ACTR3B: variants seen among roughly 807,000 people sequenced by gnomAD.
The protein encoded by ACTR3B is actin related protein 3B.
In ACTR3B, 8 loss-of-function variants were observed where a neutral mutation model predicts 59.0. The ratio of observed to expected loss-of-function variants is 0.14; its 90% CI spans 0.08 to 0.24. The LOEUF is 0.24. Among genes scored for constraint, ACTR3B ranks in the 10% least tolerant of loss-of-function variants. The pLI, the probability that ACTR3B is intolerant of heterozygous loss-of-function variation, is 1.00. For missense variants in ACTR3B, 245 were observed against 552.3 expected, an observed-to-expected ratio of 0.44 and a Z score of 5.58; for synonymous variants, 148 against 197.9, an observed-to-expected ratio of 0.75 and a Z score of 2.12.
intron 9 of ACTR3B, among the ~76,000 whole-genome samples, chr7:152,830,017 T>G (rs977795111): frequency 6.6e-6 from 1 of 152,180 alleles, no homozygotes; most frequent in African/African-American, 2.4e-5. Flanking sequence ...CGGAAATAAC[T>G]CTAATGGGAA....
At chr7:152,784,195 C>G (rs1036370383) in intron 2 of ACTR3B, among the ~76,000 whole-genome samples, 19 of 152,206 alleles carry the variant, frequency 1.2e-4, no homozygotes, top group Middle Eastern at 3.4e-3. Flanking sequence ...GAAAGTGAAA[C>G]TCTGTTCTCT....
chr7:152,821,177 CAG>C (rs1426325004), intron 7 of ACTR3B, among the ~76,000 whole-genome samples: 9 of 152,138 alleles, frequency 5.9e-5, no homozygotes, highest in Non-Finnish European at 1.3e-4. Context: ...CCTTCCATCT[CAG>C]GGGAAGGTTT....
chr7:152,831,317 G>A (rs1046789421), intron 9 of ACTR3B, among the ~76,000 whole-genome samples: 1 of 152,224 alleles, frequency 6.6e-6, no homozygotes, highest in Non-Finnish European at 1.5e-5. Flanking sequence ...CACCTGCAGA[G>A]CGCCAGGTCC....
chr7:152,816,449 A>G, intron 5 of ACTR3B, 32 bp from the exon 6 acceptor site: 4 of 1,525,080 alleles, frequency 2.6e-6, no homozygotes, highest in East Asian at 2.4e-5. Flanking sequence ...AAGAGTTCCT[A>G]TGTGCGAGCG....
intron 2 of ACTR3B, among the ~76,000 whole-genome samples, 176 bp downstream of exon 2, chr7:152,783,418 T>C (rs1259236046): frequency 6.6e-6 from 1 of 152,200 alleles, no homozygotes; most frequent in Non-Finnish European, 1.5e-5. Context: ...AAGCCCCTTG[T>C]CACTGTCGTT....
chr7:152,765,491 A>G (rs1403894006), intron 1 of ACTR3B, among the ~76,000 whole-genome samples: 2 of 151,244 alleles, frequency 1.3e-5, no homozygotes, highest in African/African-American at 2.4e-5. Context: ...TGCCCTCCCA[A>G]AAGCCACCCC....
intron 8 of ACTR3B, 82 bp downstream of exon 8, chr7:152,823,597 C>G: frequency 6.7e-7 from 1 of 1,483,394 alleles, no homozygotes; most frequent in Non-Finnish European, 9.2e-7. Flanking sequence ...CAGTTCCCAG[C>G]GAAGGGCCTG....
chr7:152,834,449 C>T (rs971238238), intron 9 of ACTR3B, among the ~76,000 whole-genome samples: 12 of 152,306 alleles, frequency 7.9e-5, no homozygotes, highest in African/African-American at 1.4e-4. Context: ...CCACCGCGCC[C>T]GGTTGTCGCT....
intron 1 of ACTR3B, among the ~76,000 whole-genome samples, chr7:152,772,379 GC>G (rs2098126137): frequency 6.6e-6 from 1 of 151,436 alleles, no homozygotes; most frequent in Non-Finnish European, 1.5e-5. Flanking sequence ...AAAAGAAAAA[GC>G]CAGGTGTGGT....
At chr7:152,802,837 A>G (rs1439481117) in intron 4 of ACTR3B, among the ~76,000 whole-genome samples, 1 of 152,222 alleles carries the variant, frequency 6.6e-6, no homozygotes, top group Non-Finnish European at 1.5e-5. Flanking sequence ...TATTTTAACT[A>G]TAAGGCTAAT....
At chr7:152,760,618 C>A (rs1208896553) in intron 1 of ACTR3B, among the ~76,000 whole-genome samples, 1 of 152,180 alleles carries the variant, frequency 6.6e-6, no homozygotes, top group East Asian at 1.9e-4. Flanking sequence ...TAAAAAGACT[C>A]CATTTTGAAA....
Position 152,820,319 on chromosome 7 carries a change from A to G in ACTR3B, c.561A>G (p.Gly187=). 1 of 1,598,616 alleles carries G rather than the reference A, an allele frequency of 6.3e-7. No homozygotes were observed. Among genetic ancestry groups the G allele is most frequent in the Non-Finnish European group, 8.6e-7 (1 of 1,168,784 alleles). The change falls in exon 7 of 12, where the codon GGA becomes GGG. Residue 187 remains glycine (G), a synonymous_variant. Transcript: ENST00000256001. ...CCTAGGCAGAAGGTTATGTAATTGG[A>G]AGCTGCATCAAACACATCCCGATTG... ...VIPVAEGYVI[G]SCIKHIPIAG... is the part of the protein sequence containing the mutation.
intron 9 of ACTR3B, among the ~76,000 whole-genome samples, chr7:152,851,602 G>A (rs1174511158): frequency 6.6e-6 from 1 of 152,236 alleles, no homozygotes; most frequent in Non-Finnish European, 1.5e-5. Context: ...CGAGCTTCTG[G>A]GGTGGCCACC....
At chr7:152,840,308 C>A (rs1797775845) in intron 9 of ACTR3B, among the ~76,000 whole-genome samples, 1 of 149,764 alleles carries the variant, frequency 6.7e-6, no homozygotes, top group Non-Finnish European at 1.5e-5. Flanking sequence ...CTCTGCATGG[C>A]CCAGGGCGGA....
intron 2 of ACTR3B, among the ~76,000 whole-genome samples, chr7:152,792,080 T>C (rs983499506): frequency 1.1e-4 from 17 of 152,200 alleles, no homozygotes; most frequent in African/African-American, 3.9e-4. Flanking sequence ...TTAGTAGAGA[T>C]GGGTTTTCAC....
At chr7:152,817,949 C>T (rs1795839720) in intron 6 of ACTR3B, among the ~76,000 whole-genome samples, 1 of 152,190 alleles carries the variant, frequency 6.6e-6, no homozygotes, top group South Asian at 2.1e-4. Flanking sequence ...CTCCCGCCCC[C>T]ATACCTTGTA....
chr7:152,781,201 T>TTG (rs2116603304), intron 1 of ACTR3B, among the ~76,000 whole-genome samples: 1 of 149,748 alleles, frequency 6.7e-6, no homozygotes, highest in South Asian at 2.1e-4. Flanking sequence ...TGGTTTTTTT[T>TTG]TTTTTTTTTT....
intron 9 of ACTR3B, among the ~76,000 whole-genome samples, chr7:152,833,969 G>A (rs1170137461): frequency 1.3e-5 from 2 of 152,082 alleles, no homozygotes; most frequent in Admixed American, 6.5e-5. Flanking sequence ...AAGGTGTGCC[G>A]TGAGACGGGG....
At chr7:152,816,872 A>T (rs1795738425) in intron 6 of ACTR3B, 1 of 358,342 alleles carries the variant, frequency 2.8e-6, no homozygotes, top group African/African-American at 2.3e-5. Context: ...AATGTCCAGG[A>T]TGTCTCTGGA....
Sources: gnomAD v4.1 joint callset for allele counts (sites outside exome capture counted in the v4.1 genomes callset) on GRCh38, gnomAD v4.1.1 for gene constraint, MANE v1.5 for transcripts, NCBI Gene and HGNC (gene_info 2026-07-23, HGNC 2026-07-21) for gene names.